Variants in EP400 observed in about 807,000 individuals in gnomAD.
The protein encoded by EP400 is E1A-binding protein p400.
In EP400, 105 loss-of-function variants were observed where a neutral mutation model predicts 354.1. The ratio of observed to expected loss-of-function variants is 0.30; its 90% CI spans 0.25 to 0.35. The LOEUF is 0.35. EP400 is among the 10% of genes least tolerant of loss of function. The pLI, the probability that EP400 is intolerant of heterozygous loss-of-function variation, is 1.00. For missense variants in EP400, 3,280 were observed against 4,121.0 expected (o/e 0.80, Z 5.59); for synonymous variants, 1,646 against 1,716.9 (o/e 0.96, Z 1.02).
chr12:132,005,276 AG>A, intron 13 of EP400, 92 bp downstream of exon 13: 1 of 874,378 alleles, frequency 1.1e-6, no homozygotes, highest in Non-Finnish European at 1.6e-6. Context: ...AATTTCTTTT[AG>A]TTTGATAAAA....
intron 2 of EP400, among the ~76,000 whole-genome samples, chr12:131,966,038 CAAA>C (rs542519203): frequency 6.4e-5 from 7 of 108,756 alleles, no homozygotes; most frequent in Admixed American, 9.5e-5. Flanking sequence ...TGGCTGATTT[CAAA>C]AAAAAAAAAA....
chr12:132,074,331 C>G (rs958268297), intron 51 of EP400, among the ~76,000 whole-genome samples: 1 of 152,110 alleles, frequency 6.6e-6, no homozygotes, highest in African/African-American at 2.4e-5. Flanking sequence ...CCAGGGTCAC[C>G]TGTCTCTTCC....
At chr12:131,979,238 A>G (rs1892595818) in intron 2 of EP400, among the ~76,000 whole-genome samples, 1 of 152,018 alleles carries the variant, frequency 6.6e-6, no homozygotes, top group African/African-American at 2.4e-5. Flanking sequence ...GATCTAAATT[A>G]ATTAGATAGT....
At chr12:131,973,020 C>T (rs1892351342) in intron 2 of EP400, among the ~76,000 whole-genome samples, 1 of 152,168 alleles carries the variant, frequency 6.6e-6, no homozygotes, top group Non-Finnish European at 1.5e-5. Context: ...GCATGAGCCA[C>T]CATGCCTGAC....
At chr12:132,006,673 C>T in intron 14 of EP400, 27 bp from the exon 15 acceptor site, 3 of 1,550,718 alleles carry the variant, frequency 1.9e-6, no homozygotes, top group Non-Finnish European at 2.6e-6. Context: ...GACGAGCTGT[C>T]ATTCTTTTAT....
At chr12:131,952,350 G>T (rs1300861742) in intron 1 of EP400, among the ~76,000 whole-genome samples, 1 of 149,528 alleles carries the variant, frequency 6.7e-6, no homozygotes, top group Non-Finnish European at 1.5e-5. Flanking sequence ...GTTTCACCAT[G>T]TTGGCCAGGC....
chr12:132,021,011 A>G (rs7305807), intron 22 of EP400, 68 bp from the exon 23 acceptor site: 215,065 of 1,458,520 alleles, frequency 0.15, 26,178 homozygotes, highest in African/African-American at 0.65. Context: ...TTTAAAATTC[A>G]GTTTAAAATA....
At position 132,054,834 on chromosome 12, in the gene EP400, G is replaced by A. The variant is rs2136593887; in HGVS notation, c.7729-140G>A. The A allele has an allele frequency of 2.3e-6, 2 of 861,332 alleles. No homozygotes were observed. The highest frequency in any genetic ancestry group is 3.8e-6 in the Non-Finnish European group (2 of 520,166). 53.4% of individuals were successfully genotyped at this position (861,332 alleles called of 1,614,324 possible). On this transcript the variant is annotated intron_variant, in intron 43 of 52. Transcript: ENST00000389561. The surrounding 1 kb of genome is among the most constrained non-coding windows in gnomAD (Gnocchi z 4.0). ...GGGTGGGGGCACCGCCAGGTGGAAT[G>A]AGCTGGGGAGGATGGGACAGGTGGC...
At chr12:132,060,388 G>C (rs575751005) in intron 45 of EP400, among the ~76,000 whole-genome samples, 1 of 152,174 alleles carries the variant, frequency 6.6e-6, no homozygotes, top group East Asian at 1.9e-4. Context: ...ACACTGATGC[G>C]TATATGTAGA....
intron 51 of EP400, among the ~76,000 whole-genome samples, chr12:132,071,230 C>A (rs1896058419): frequency 6.6e-6 from 1 of 151,658 alleles, no homozygotes; most frequent in Non-Finnish European, 1.5e-5. Flanking sequence ...GTATGAACTC[C>A]CTCCCTCCCT....
rs1389775738 is a variant in EP400 at position 132,044,538 on chromosome 12, TA to T, written c.6586-132del. 4.9e-6 allele frequency: 6 copies of T among 1,236,176 alleles called. No individual in the cohort carries two copies. The Admixed American group carries it at 8.7e-5, about 18-fold the overall frequency. The allele number at this position is 1,236,176 out of a possible 1,614,324, so 76.6% of individuals were successfully genotyped here. On this transcript the variant is annotated intron_variant, in intron 35 of 52. Transcript: ENST00000389561. ...ATTGACCAGCTCTGATTAAAACATT[TA>T]TAAGTCTTATAAATAGTCATGTTGA...
At chr12:131,984,200 C>T (rs1422695499) in intron 5 of EP400, among the ~76,000 whole-genome samples, 2 of 152,106 alleles carry the variant, frequency 1.3e-5, no homozygotes, top group African/African-American at 2.4e-5. Context: ...ACCCGGCCTA[C>T]AGGTTCTTTA....
At chr12:131,964,709 A>G (rs1242924878) in intron 2 of EP400, among the ~76,000 whole-genome samples, 1 of 152,220 alleles carries the variant, frequency 6.6e-6, no homozygotes, top group Non-Finnish European at 1.5e-5. Context: ...TCTCATATAT[A>G]TACACATATC....
intron 50 of EP400, 107 bp from the exon 51 acceptor site, chr12:132,069,388 G>T: frequency 1.3e-6 from 2 of 1,499,096 alleles, no homozygotes; most frequent in Non-Finnish European, 1.8e-6. Context: ...TGGGAGGTAG[G>T]CTGGAAAGGG....
intron 10 of EP400, among the ~76,000 whole-genome samples, chr12:131,991,924 A>G (rs1272898876): frequency 1.3e-5 from 2 of 152,202 alleles, no homozygotes; most frequent in African/African-American, 2.4e-5. Flanking sequence ...TCTACTTTGA[A>G]AATAAACTGG....
In EP400 at chr12:132,037,668, T is replaced by C; in HGVS notation, c.5952-14T>C. 6.2e-7 allele frequency: 1 copy of C among 1,609,594 alleles called. No individual in the cohort carries two copies. The highest frequency in any genetic ancestry group is 8.5e-7 in the Non-Finnish European group (1 of 1,175,728). On this transcript the variant is annotated splice_polypyrimidine_tract_variant and intron_variant, in intron 30 of 52. Coordinates refer to ENST00000389561, the MANE Select transcript of EP400 (RefSeq NM_015409.5). ...CTGGTGACTGACTTAGCATCTTACA[T>C]CTTTTGTTTGCAGGCTTGTGAGTGG...
At chr12:132,061,990 G>A in intron 45 of EP400, 120 bp from the exon 46 acceptor site, 1 of 773,508 alleles carries the variant, frequency 1.3e-6, no homozygotes, top group Non-Finnish European at 2.1e-6. Context: ...CTGAACTCTA[G>A]CGTGTGTTTC....
chr12:131,996,917 CTT>C (rs1484657462), intron 12 of EP400, among the ~76,000 whole-genome samples: 1 of 152,138 alleles, frequency 6.6e-6, no homozygotes, highest in African/African-American at 2.4e-5. Flanking sequence ...GGTGGTGTGT[CTT>C]TTCACTCTTT....
intron 2 of EP400, among the ~76,000 whole-genome samples, chr12:131,962,183 G>T (rs1891907677): frequency 6.6e-6 from 1 of 152,226 alleles, no homozygotes; most frequent in Non-Finnish European, 1.5e-5. Context: ...GGACGGAGCT[G>T]CGCTATGATG....
Sources: gnomAD v4.1 joint callset for allele counts (sites outside exome capture counted in the v4.1 genomes callset) on GRCh38, gnomAD v4.1.1 for gene constraint, Gnocchi (gnomAD v3.1) non-coding constraint, MANE v1.5 for transcripts, NCBI Gene and HGNC (gene_info 2026-07-23, HGNC 2026-07-21) for gene names.